The following KIAA1328 variants were observed in gnomAD, a reference collection of about 807,000 sequenced individuals.
The protein encoded by KIAA1328 is KIAA1328, also known as protein hinderin.
In KIAA1328, 52 loss-of-function variants were observed where a neutral mutation model predicts 68.1. The observed-to-expected ratio is 0.76, with a 90% CI of 0.61 to 0.96. The LOEUF is 0.96. Among genes scored for constraint, KIAA1328 ranks in the 40% least tolerant of loss-of-function variants. The pLI, the probability that KIAA1328 is intolerant of heterozygous loss-of-function variation, is 0.00. For synonymous variants in KIAA1328, 232 were observed against 239.4 expected (o/e 0.97, Z 0.28); for missense variants, 641 against 677.6 (o/e 0.95, Z 0.60).
At chr18:37,183,577 A>T (rs950122143) in intron 9 of KIAA1328, among the ~76,000 whole-genome samples, 1 of 152,116 alleles carries the variant, frequency 6.6e-6, no homozygotes, top group Non-Finnish European at 1.5e-5. Flanking sequence ...TCTTCTTTCC[A>T]TTAGCAATTT....
chr18:36,885,459 A>G (rs759521454), intron 4 of KIAA1328, 98 bp from the exon 5 acceptor site: 12 of 632,476 alleles, frequency 1.9e-5, no homozygotes, highest in African/African-American at 3.8e-5. Flanking sequence ...AGAATTCGGC[A>G]TACCTTTGGA....
chr18:37,173,058 A>G lies in KIAA1328; in HGVS notation c.1500A>G (p.Pro500=). ...AGGATTTTGTCACCACAGCCTCACC[A>G]TCATTACAGCACACCACCTCCCGGT... The part of the protein sequence containing the change: ...SLKDFVTTAS[P]SLQHTTSRYE... Residue 500 remains proline (P), a synonymous_variant, in exon 9 of 10, where the codon CCA becomes CCG. Transcript: ENST00000280020. 1 of 1,613,070 alleles carries G rather than the reference A, an allele frequency of 6.2e-7. No individual in the cohort carries two copies. Among genetic ancestry groups the G allele is most frequent in the Non-Finnish European group, 8.5e-7 (1 of 1,179,240 alleles).
chr18:37,032,297 C>T (rs1423111600), intron 6 of KIAA1328, among the ~76,000 whole-genome samples: 2 of 152,180 alleles, frequency 1.3e-5, no homozygotes, highest in Non-Finnish European at 2.9e-5. Context: ...ATTATTGTCA[C>T]ATAATTTACT....
At chr18:37,166,038 T>C (rs1261450111) in intron 8 of KIAA1328, among the ~76,000 whole-genome samples, 1 of 80,434 alleles carries the variant, frequency 1.2e-5, no homozygotes, top group Non-Finnish European at 2.2e-5. Flanking sequence ...GGGGTGGTAA[T>C]TTTTTTTTTT....
At chr18:36,837,146 A>G (rs987997275) in intron 3 of KIAA1328, among the ~76,000 whole-genome samples, 1 of 152,166 alleles carries the variant, frequency 6.6e-6, no homozygotes, top group Non-Finnish European at 1.5e-5. Context: ...GTGTAGTTTT[A>G]TGTTTAACCT....
chr18:37,097,332 TC>T (rs2057443683), intron 7 of KIAA1328, among the ~76,000 whole-genome samples: 1 of 152,216 alleles, frequency 6.6e-6, no homozygotes, highest in Non-Finnish European at 1.5e-5. Flanking sequence ...AAATAGGGAT[TC>T]CTTTCTCCAT....
At chr18:36,972,622 G>A (rs973586635) in intron 6 of KIAA1328, among the ~76,000 whole-genome samples, 4 of 152,094 alleles carry the variant, frequency 2.6e-5, no homozygotes, top group Admixed American at 2.6e-4. Flanking sequence ...ATCAAGCACT[G>A]GATGAAACAA....
Position 37,170,687 on chromosome 18 carries a change from G to A in KIAA1328, c.1415-2286G>A, listed in dbSNP as rs1346852363. Among the ~76,000 whole-genome samples the A allele has an allele frequency of 9.2e-5, 14 of 152,088 alleles. 1 individual carries two copies. Among genetic ancestry groups the A allele is most frequent in the Admixed American group, 9.2e-4 (14 of 15,262 alleles). The stretch of plus-strand genomic sequence containing the variant: ...CAGACTTTTCATAGTACTTATTACA[G>A]CAGCATAGCATAATGGCCAAAGCTC... On this transcript the variant is annotated intron_variant, in intron 8 of 9. Coordinates refer to ENST00000280020, the MANE Select transcript of KIAA1328 (RefSeq NM_020776.3).
chr18:36,974,942 G>A (rs746625490), intron 6 of KIAA1328, among the ~76,000 whole-genome samples: 1 of 152,090 alleles, frequency 6.6e-6, no homozygotes, highest in Non-Finnish European at 1.5e-5. Flanking sequence ...TTTTGCTCTT[G>A]GAACAGCAAG....
At chr18:36,916,916 C>T (rs1156410785) in intron 5 of KIAA1328, among the ~76,000 whole-genome samples, 1 of 151,028 alleles carries the variant, frequency 6.6e-6, no homozygotes, top group Non-Finnish European at 1.5e-5. Context: ...ACCCAGCTCA[C>T]TTCATTTTTT....
intron 5 of KIAA1328, among the ~76,000 whole-genome samples, chr18:36,949,409 C>T (rs2051050204): frequency 6.6e-6 from 1 of 152,120 alleles, no homozygotes; most frequent in Non-Finnish European, 1.5e-5. Context: ...GTCCATCTGG[C>T]ACATTGATAG....
intron 4 of KIAA1328, among the ~76,000 whole-genome samples, chr18:36,871,647 A>G (rs1236410687): frequency 6.6e-6 from 1 of 152,086 alleles, no homozygotes; most frequent in Non-Finnish European, 1.5e-5. Context: ...TGTCTAAGTG[A>G]CAGTAAAGAA....
intron 6 of KIAA1328, among the ~76,000 whole-genome samples, chr18:36,997,895 G>T (rs934547862): frequency 9.2e-5 from 14 of 152,262 alleles, no homozygotes; most frequent in African/African-American, 3.4e-4. Context: ...TACCAGAGCT[G>T]GGGAGTGAAC....
intron 6 of KIAA1328, among the ~76,000 whole-genome samples, chr18:37,051,994 A>T (rs986633815): frequency 6.6e-6 from 1 of 151,690 alleles, no homozygotes; most frequent in African/African-American, 2.4e-5. Context: ...GTGAGCCAAG[A>T]TCACGCCACT....
intron 5 of KIAA1328, among the ~76,000 whole-genome samples, chr18:36,940,739 G>A (rs1413645302): frequency 2.0e-5 from 3 of 148,552 alleles, no homozygotes; most frequent in Non-Finnish European, 4.4e-5. Flanking sequence ...GCAGTGGTGC[G>A]AACTCGGCTC....
At chr18:36,853,745 G>A (rs987883310) in intron 4 of KIAA1328, among the ~76,000 whole-genome samples, 5 of 151,934 alleles carry the variant, frequency 3.3e-5, no homozygotes, top group South Asian at 2.1e-4. Flanking sequence ...TGCAACCTCC[G>A]TCTTCTGGGT....
intron 6 of KIAA1328, among the ~76,000 whole-genome samples, chr18:37,008,564 G>A (rs953187813): frequency 2.6e-5 from 4 of 152,100 alleles, no homozygotes; most frequent in African/African-American, 9.7e-5. Context: ...AGATAATTAA[G>A]AAATCACAAC....
intron 5 of KIAA1328, among the ~76,000 whole-genome samples, chr18:36,906,319 C>G (rs531955647): frequency 1.3e-5 from 2 of 152,238 alleles, no homozygotes; most frequent in Middle Eastern, 6.8e-3. Flanking sequence ...TACCACCTTA[C>G]AATATATTCT....
chr18:37,002,967 C>A (rs1256062249), intron 6 of KIAA1328, among the ~76,000 whole-genome samples: 5 of 152,016 alleles, frequency 3.3e-5, no homozygotes, highest in African/African-American at 9.7e-5. Context: ...AAATAGTATG[C>A]CATTGATTTA....
Sources: gnomAD v4.1 joint callset for allele counts (sites outside exome capture counted in the v4.1 genomes callset) on GRCh38, gnomAD v4.1.1 for gene constraint, MANE v1.5 for transcripts, NCBI Gene and HGNC (gene_info 2026-07-23, HGNC 2026-07-21) for gene names.